MIPOL1: variants seen among roughly 807,000 people sequenced by gnomAD.
MIPOL1 encodes the protein mirror-image polydactyly gene 1 protein.
MIPOL1 carries 57 observed loss-of-function variants against 60.9 expected under a neutral mutation model. The observed-to-expected ratio is 0.94, with a 90% CI of 0.76 to 1.17. The LOEUF (loss-of-function observed/expected upper bound fraction) is 1.17, where lower values mean the gene tolerates loss of function less well. Among genes scored for constraint, MIPOL1 ranks in the 50% most tolerant of loss-of-function variants. The pLI is 0.00. For synonymous variants in MIPOL1, 179 were observed against 168.8 expected (o/e 1.06, Z -0.47); for missense variants, 551 against 511.6 (o/e 1.08, Z -0.74).
At chr14:37,227,707 T>C (rs1969972631) in intron 1 of MIPOL1, 1 of 152,210 alleles carries the variant, frequency 6.6e-6, no homozygotes, top group Admixed American at 6.5e-5. Context: ...AAATAATTTT[T>C]GGTGTTTCAC....
chr14:37,236,808 A>G (rs1183511901), intron 1 of MIPOL1, among the ~76,000 whole-genome samples: 1 of 152,052 alleles, frequency 6.6e-6, no homozygotes, highest in Non-Finnish European at 1.5e-5. Flanking sequence ...GCTCATGTTC[A>G]GCTAATGTGT....
chr14:37,246,153 C>T (rs1443078850), intron 1 of MIPOL1, among the ~76,000 whole-genome samples: 1 of 152,032 alleles, frequency 6.6e-6, no homozygotes, highest in African/African-American at 2.4e-5. Flanking sequence ...TATTTTACTA[C>T]ATATAAAAGC....
intron 3 of MIPOL1, among the ~76,000 whole-genome samples, chr14:37,251,324 T>G (rs979932248): frequency 1.8e-4 from 28 of 151,906 alleles, no homozygotes; most frequent in Non-Finnish European, 2.2e-4. Flanking sequence ...TGCCTCAGAC[T>G]CCCAAAGCCC....
At chr14:37,492,863 T>TC (rs2095065317) in intron 11 of MIPOL1, among the ~76,000 whole-genome samples, 1 of 151,850 alleles carries the variant, frequency 6.6e-6, no homozygotes, top group Non-Finnish European at 1.5e-5. Flanking sequence ...CATCTCACCC[T>TC]CCCCGCCACC....
intron 12 of MIPOL1, among the ~76,000 whole-genome samples, chr14:37,524,339 G>A (rs1452286442): frequency 6.6e-6 from 1 of 152,064 alleles, no homozygotes; most frequent in Non-Finnish European, 1.5e-5. Context: ...AATTTGGACA[G>A]TAGACTTTCT....
intron 4 of MIPOL1, among the ~76,000 whole-genome samples, chr14:37,268,281 G>A (rs2083030029): frequency 6.6e-6 from 1 of 152,082 alleles, no homozygotes; most frequent in Non-Finnish European, 1.5e-5. Flanking sequence ...GTGTAGGTTG[G>A]AGTCCCTTTT....
chr14:37,217,991 ATGT>A (rs1369907832), intron 1 of MIPOL1, among the ~76,000 whole-genome samples: 3 of 152,110 alleles, frequency 2.0e-5, no homozygotes, highest in Non-Finnish European at 2.9e-5. Flanking sequence ...CTAGTTCAAA[ATGT>A]TGTGTTTCCA....
At chr14:37,294,470 C>T (rs2085422458) in intron 7 of MIPOL1, among the ~76,000 whole-genome samples, 2 of 151,964 alleles carry the variant, frequency 1.3e-5, no homozygotes, top group Admixed American at 1.3e-4. Flanking sequence ...AATGACTTGA[C>T]GAATTGAGAG....
At chr14:37,395,229 G>A (rs187022908) in intron 10 of MIPOL1, among the ~76,000 whole-genome samples, 382 of 151,832 alleles carry the variant, frequency 2.5e-3, no homozygotes, top group African/African-American at 8.6e-3. Flanking sequence ...TTGGCTATGC[G>A]TGCTCTTTTT....
chr14:37,215,348 G>C (rs921202807), intron 1 of MIPOL1, among the ~76,000 whole-genome samples: 4 of 151,906 alleles, frequency 2.6e-5, no homozygotes, highest in African/African-American at 9.7e-5. Flanking sequence ...GGGCCCAGCT[G>C]TCTTTTCTTT....
Position 37,373,042 on chromosome 14 carries a change from C to T in MIPOL1, c.936+3418C>T, listed in dbSNP as rs918044928. On this transcript the variant is annotated intron_variant, in intron 10 of 12. Transcript: ENST00000684589. ...TCGTTCTGAAACAGTCTCACTCAGT[C>T]GCCCTGGCTGGAGTGCAGTGGCTCG... Among the ~76,000 whole-genome samples the T allele has an allele frequency of 5.9e-5, 9 of 152,178 alleles. No individual in the cohort carries two copies. In the South Asian group the frequency reaches 1.5e-3, roughly 25 times the overall value.
chr14:37,386,186 A>G (rs1181694367), intron 10 of MIPOL1, among the ~76,000 whole-genome samples: 2 of 152,040 alleles, frequency 1.3e-5, no homozygotes, highest in African/African-American at 4.8e-5. Flanking sequence ...ACTCTGAAAT[A>G]TTATATAAAC....
chr14:37,502,371 G>A (rs1367697467), intron 12 of MIPOL1: 7 of 152,356 alleles, frequency 4.6e-5, no homozygotes, highest in African/African-American at 1.4e-4. Context: ...TCATACAAGC[G>A]AGTGCCCCTC....
rs1002041996 is a variant in MIPOL1 at position 37,343,640 on chromosome 14, C to T, written c.829-25877C>T. 9.9e-5 allele frequency among the ~76,000 whole-genome samples: 15 copies of T among 152,136 alleles called. No individual in the cohort carries two copies. In the South Asian group the frequency reaches 1.0e-3, roughly 11 times the overall value. ...AACCAGCAGCTATTAAAAACTTAGA[C>T]GATGTTATGGAACTTTTTTGTTAGG... On this transcript the variant is annotated intron_variant, in intron 9 of 12. Transcript: ENST00000684589.
intron 1 of MIPOL1, among the ~76,000 whole-genome samples, chr14:37,214,220 A>T (rs1967191647): frequency 1.3e-5 from 2 of 152,236 alleles, no homozygotes; most frequent in African/African-American, 4.8e-5. Flanking sequence ...TCTCATTCTC[A>T]GTAGAAAGAA....
In MIPOL1 at chr14:37,285,307, T is replaced by C; in HGVS notation, c.494-11T>C. 1.2e-6 allele frequency: 2 copies of C among 1,613,940 alleles called. No homozygotes were observed. Among genetic ancestry groups the C allele is most frequent in the South Asian group, 2.2e-5 (2 of 91,058 alleles). ...TGTATGATTGATTGTGCGCTTTATA[T>C]ATTTTGGTAGCTCTGGTTGAAGAAG... On this transcript the variant is annotated splice_polypyrimidine_tract_variant and intron_variant, in intron 6 of 12. Transcript: ENST00000684589.
chr14:37,433,205 C>A (rs1017761348), intron 11 of MIPOL1, among the ~76,000 whole-genome samples: 2 of 152,002 alleles, frequency 1.3e-5, no homozygotes, highest in African/African-American at 4.8e-5. Flanking sequence ...GGACTACAGG[C>A]ACATGCCACC....
chr14:37,275,145 G>A (rs1594853976), intron 6 of MIPOL1, among the ~76,000 whole-genome samples: 1 of 151,076 alleles, frequency 6.6e-6, no homozygotes, highest in African/African-American at 2.4e-5. Context: ...AAGTTAAAAT[G>A]TGTAATAAAT....
At chr14:37,458,667 TAC>T (rs913733091) in intron 11 of MIPOL1, among the ~76,000 whole-genome samples, 8 of 149,984 alleles carry the variant, frequency 5.3e-5, no homozygotes, top group Non-Finnish European at 1.2e-4. Context: ...AAAAAAAAAA[TAC>T]ACACACACAC....
Sources: allele counts gnomAD v4.1 joint callset (sites outside exome capture counted in the v4.1 genomes callset), GRCh38; gene constraint gnomAD v4.1.1; transcripts MANE v1.5; gene names NCBI Gene and HGNC (gene_info 2026-07-23, HGNC 2026-07-21).